Variants in SLC4A4 observed in about 807,000 individuals in gnomAD.
The protein encoded by SLC4A4 is electrogenic sodium bicarbonate cotransporter 1.
A neutral mutation model predicts 111.5 loss-of-function variants in SLC4A4; 27 were observed. The observed-to-expected ratio is 0.24, with a 90% confidence interval of 0.18 to 0.33. SLC4A4 has a LOEUF of 0.33. Ranked by LOEUF, SLC4A4 falls within the 10% of genes least tolerant of loss-of-function variation. SLC4A4 has a pLI of 1.00. For missense variants in SLC4A4, 909 were observed against 1,315.5 expected (o/e 0.69, Z 4.78); for synonymous variants, 443 against 463.4 (o/e 0.96, Z 0.57).
chr4:71,338,586 G>A (rs548847399), intron 3 of SLC4A4, among the ~76,000 whole-genome samples: 1 of 148,990 alleles, frequency 6.7e-6, no homozygotes, highest in African/African-American at 2.5e-5. Flanking sequence ...TTTTTGAAAG[G>A]GAGTAACCCA....
intron 18 of SLC4A4, among the ~76,000 whole-genome samples, chr4:71,536,332 T>C (rs1200362713): frequency 6.6e-6 from 1 of 150,728 alleles, no homozygotes; most frequent in African/African-American, 2.4e-5. Context: ...CCGTGTAAGA[T>C]AGGAGATGTT....
chr4:71,559,451 T>G (rs541943397), intron 22 of SLC4A4, among the ~76,000 whole-genome samples: 2 of 151,974 alleles, frequency 1.3e-5, no homozygotes, highest in South Asian at 4.1e-4. Context: ...TAACCTTCAA[T>G]TTCCTCAGCT....
At chr4:71,344,951 C>G (rs1729197051) in intron 4 of SLC4A4, among the ~76,000 whole-genome samples, 1 of 152,080 alleles carries the variant, frequency 6.6e-6, no homozygotes, top group South Asian at 2.1e-4. Context: ...CCTTTTAAGT[C>G]ATGGAAAGCA....
At chr4:71,199,437 A>G (rs1746150583) in intron 1 of SLC4A4, among the ~76,000 whole-genome samples, 1 of 152,216 alleles carries the variant, frequency 6.6e-6, no homozygotes, top group Non-Finnish European at 1.5e-5. Flanking sequence ...ACTCTGAAAA[A>G]GTTTACTTTT....
chr4:71,221,124 G>A (rs1332454614), intron 1 of SLC4A4, among the ~76,000 whole-genome samples: 2 of 152,162 alleles, frequency 1.3e-5, no homozygotes, highest in Non-Finnish European at 2.9e-5. Flanking sequence ...TCATTAACGG[G>A]CATTTAGGTT....
chr4:71,345,340 T>C (rs1729232755), intron 4 of SLC4A4, among the ~76,000 whole-genome samples: 1 of 152,164 alleles, frequency 6.6e-6, no homozygotes, highest in Non-Finnish European at 1.5e-5. Flanking sequence ...TTTATTCATT[T>C]GAGTAGGGAT....
chr4:71,343,016 TG>T (rs1489045728), intron 4 of SLC4A4, among the ~76,000 whole-genome samples: 1 of 152,180 alleles, frequency 6.6e-6, no homozygotes, highest in Non-Finnish European at 1.5e-5. Flanking sequence ...TCATTATGTA[TG>T]TGATATTATT....
At chr4:71,146,692 C>A (rs1435196444) in intron 2 of SLC4A4, among the ~76,000 whole-genome samples, 3 of 151,954 alleles carry the variant, frequency 2.0e-5, no homozygotes, top group Admixed American at 1.3e-4. Context: ...GATCCCTTTA[C>A]CATTATGTAA....
At chr4:71,105,320 C>A (rs1468064572) in intron 2 of SLC4A4, among the ~76,000 whole-genome samples, 4 of 149,460 alleles carry the variant, frequency 2.7e-5, no homozygotes, top group Non-Finnish European at 5.9e-5. Flanking sequence ...TAGGAAGAAT[C>A]AATATCGTGA....
rs143668354 is a variant in SLC4A4, at chr4:71,224,016, C to T, written c.-1-12560C>T. 2.5e-4 allele frequency among the ~76,000 whole-genome samples: 38 copies of T among 152,242 alleles called. No homozygotes were observed. In the East Asian group the frequency reaches 7.2e-3, roughly 29 times the overall value. ...GCCCCATTTTTACCTCTCCGGAGCC[C>T]GTGTCTTCACACCTCATTCCTTTCC... On this transcript the variant is annotated intron_variant, in intron 1 of 25. Transcript: ENST00000264485.
At chr4:71,302,153 T>A (rs1435302767) in intron 3 of SLC4A4, among the ~76,000 whole-genome samples, 1 of 152,134 alleles carries the variant, frequency 6.6e-6, no homozygotes. Context: ...GAAATAGAGA[T>A]GATTTTTTTT....
chr4:71,282,939 G>A (rs1480822151), intron 3 of SLC4A4, among the ~76,000 whole-genome samples: 1 of 152,132 alleles, frequency 6.6e-6, no homozygotes. Flanking sequence ...ATCTGTGACT[G>A]GTGACTGGAT....
At chr4:71,177,976 T>G (rs1034554083) in intron 2 of SLC4A4, among the ~76,000 whole-genome samples, 3 of 152,146 alleles carry the variant, frequency 2.0e-5, no homozygotes, top group African/African-American at 7.2e-5. Flanking sequence ...TATAACAAAC[T>G]GTCTCTTAGA....
At chr4:71,372,363 A>C (rs1731972191) in intron 6 of SLC4A4, among the ~76,000 whole-genome samples, 1 of 152,238 alleles carries the variant, frequency 6.6e-6, no homozygotes, top group African/African-American at 2.4e-5. Flanking sequence ...TCTCACCGGC[A>C]GGCCTGAAAC....
At chr4:71,144,146 G>T (rs1744095551) in intron 2 of SLC4A4, among the ~76,000 whole-genome samples, 1 of 152,198 alleles carries the variant, frequency 6.6e-6, no homozygotes. Flanking sequence ...AAGGGATCCA[G>T]TTTCAGCTTT....
chr4:71,563,625 G>A (rs577501016), intron 23 of SLC4A4, among the ~76,000 whole-genome samples, 168 bp from the exon 24 acceptor site: 8 of 151,898 alleles, frequency 5.3e-5, no homozygotes, highest in African/African-American at 1.4e-4. Context: ...ACAAATGTGA[G>A]GGGGAAAGAA....
intron 4 of SLC4A4, among the ~76,000 whole-genome samples, chr4:71,349,599 T>C (rs1234614101): frequency 6.6e-6 from 1 of 152,206 alleles, no homozygotes; most frequent in Non-Finnish European, 1.5e-5. Flanking sequence ...TTCTACCTTA[T>C]TAAAAAATTT....
intron 2 of SLC4A4, among the ~76,000 whole-genome samples, chr4:71,157,094 G>T: frequency 6.6e-6 from 1 of 152,142 alleles, no homozygotes; most frequent in East Asian, 1.9e-4. Context: ...ATCTGTGAAT[G>T]TAAATACACC....
In SLC4A4 at chr4:71,390,831, T is replaced by C. The variant is rs375989091; in HGVS notation, c.731-6746T>C. ...TGGCATTATGAGATCCATGTTTACATTATGGTTTTACCACTTGCTATGTGA... is the reference window on the plus strand; with the variant it reads ...TGGCATTATGAGATCCATGTTTACACTATGGTTTTACCACTTGCTATGTGA... On this transcript the variant is annotated intron_variant, in intron 6 of 25. Transcript: ENST00000264485. Among the ~76,000 whole-genome samples, 20 of 152,276 alleles carry C rather than the reference T, an allele frequency of 1.3e-4. No individual in the cohort carries two copies. In the East Asian group the frequency reaches 2.9e-3, roughly 22 times the overall value.
Sources: allele counts gnomAD v4.1 joint callset (sites outside exome capture counted in the v4.1 genomes callset), GRCh38; gene constraint gnomAD v4.1.1; transcripts MANE v1.5; gene names NCBI Gene and HGNC (gene_info 2026-07-23, HGNC 2026-07-21).